The following PTPRD variants were observed in gnomAD, a reference collection of about 807,000 sequenced individuals.
PTPRD encodes the protein receptor-type tyrosine-protein phosphatase delta.
Under a neutral mutation model 214.5 loss-of-function variants are expected in PTPRD, and 34 were observed. The ratio of observed to expected loss-of-function variants is 0.16; its 90% CI spans 0.12 to 0.21. PTPRD has a LOEUF of 0.21. PTPRD is among the 10% of genes least tolerant of loss of function. The pLI is 1.00. For missense variants in PTPRD, 2,545 were observed against 2,398.7 expected, an observed-to-expected ratio of 1.06 and a Z score of -1.27; for synonymous variants, 1,128 against 845.7, an observed-to-expected ratio of 1.33 and a Z score of -5.79.
Position 9,150,571 on chromosome 9 carries a change from T to G in PTPRD, c.-143+32733A>C, listed in dbSNP as rs10977531. On this transcript the variant is annotated intron_variant, in intron 10 of 45. Coordinates refer to ENST00000381196, the MANE Select transcript of PTPRD (RefSeq NM_002839.4). ...ATGGTGTGATTTCAGCTCAGCAAAC[T>G]CCACCTTCTGGGTTCAAGTGATTCT... Among the ~76,000 whole-genome samples the G allele has an allele frequency of 7.9e-3, 1,194 of 151,060 alleles. 34 individuals are homozygous for G. The highest frequency in any genetic ancestry group is 0.06 in the Admixed American group (900 of 15,080).
At chr9:8,934,552 C>T (rs62529115) in intron 11 of PTPRD, among the ~76,000 whole-genome samples, 16,749 of 113,464 alleles carry the variant, frequency 0.15, 1,801 homozygotes, top group South Asian at 0.21. Context: ...CATAAGATGT[C>T]TTGATATACA....
chr9:9,356,009 C>A (rs141892697), intron 9 of PTPRD, among the ~76,000 whole-genome samples: 14 of 151,220 alleles, frequency 9.3e-5, no homozygotes, highest in African/African-American at 3.4e-4. Flanking sequence ...TTGGATTTAG[C>A]AATATTGAGG....
intron 11 of PTPRD, among the ~76,000 whole-genome samples, chr9:8,971,854 A>C (rs1245006823): frequency 6.6e-6 from 1 of 151,752 alleles, no homozygotes; most frequent in Non-Finnish European, 1.5e-5. Context: ...CAGAAGAATA[A>C]GCCATTTCTA....
intron 11 of PTPRD, among the ~76,000 whole-genome samples, chr9:8,896,933 T>G (rs2098619864): frequency 1.3e-5 from 2 of 152,194 alleles, no homozygotes; most frequent in African/African-American, 4.8e-5. Flanking sequence ...GAAAGAGAAC[T>G]GTAGATTAGT....
Position 9,469,061 on chromosome 9 carries a change from G to A in PTPRD, c.-236-71579C>T, listed in dbSNP as rs930583690. ...CTACATTTGTGGTCATAAAGCACTT[G>A]AAATGTTTGGCCCAAATTGGGATAT... On this transcript the variant is annotated intron_variant, in intron 8 of 45. Coordinates refer to ENST00000381196, the MANE Select transcript of PTPRD (RefSeq NM_002839.4). Among the ~76,000 whole-genome samples the A allele has an allele frequency of 3.3e-5, 5 of 152,096 alleles. No homozygotes were observed. The East Asian group carries it at 9.6e-4, about 29-fold the overall frequency.
chr9:9,276,101 C>T (rs1322004165), intron 9 of PTPRD, among the ~76,000 whole-genome samples: 4 of 151,298 alleles, frequency 2.6e-5, no homozygotes, highest in African/African-American at 9.7e-5. Flanking sequence ...TTAACCCCAG[C>T]TAACATTTCA....
chr9:8,868,317 G>A (rs920961276), intron 11 of PTPRD, among the ~76,000 whole-genome samples: 3 of 152,158 alleles, frequency 2.0e-5, no homozygotes, highest in African/African-American at 7.2e-5. Context: ...TCGTGCCTCA[G>A]CCTCCCGAGT....
chr9:9,319,844 T>A (rs939621623), intron 9 of PTPRD, among the ~76,000 whole-genome samples: 3 of 152,164 alleles, frequency 2.0e-5, no homozygotes, highest in African/African-American at 7.2e-5. Context: ...TAATTTACAA[T>A]TTAATTTAGC....
At chr9:10,608,119 A>T (rs576398387) in intron 2 of PTPRD, among the ~76,000 whole-genome samples, 12 of 152,116 alleles carry the variant, frequency 7.9e-5, no homozygotes, top group African/African-American at 2.9e-4. Flanking sequence ...GTCTACATGT[A>T]TGTAAGGAAT....
chr9:10,004,566 A>T (rs192925415), intron 4 of PTPRD, among the ~76,000 whole-genome samples: 1 of 152,096 alleles, frequency 6.6e-6, no homozygotes, highest in African/African-American at 2.4e-5. Flanking sequence ...CATATTATAC[A>T]ATAAATAATT....
At chr9:8,579,811 T>C (rs929634854) in intron 14 of PTPRD, among the ~76,000 whole-genome samples, 11 of 152,122 alleles carry the variant, frequency 7.2e-5, no homozygotes, top group African/African-American at 2.4e-4. Flanking sequence ...TTGGAAGGAA[T>C]GTAGTATGTT....
At chr9:9,933,371 G>C (rs554482771) in intron 5 of PTPRD, among the ~76,000 whole-genome samples, 352 of 151,778 alleles carry the variant, frequency 2.3e-3, no homozygotes, top group African/African-American at 8.0e-3. Context: ...CAAAATAAAA[G>C]GATGGAGGAA....
chr9:8,410,222 T>C (rs1432758405), intron 35 of PTPRD, among the ~76,000 whole-genome samples: 1 of 152,256 alleles, frequency 6.6e-6, no homozygotes, highest in East Asian at 1.9e-4. Flanking sequence ...TAATGAATAC[T>C]TTCTTCAAAG....
At chr9:10,017,779 A>G (rs1217062110) in intron 4 of PTPRD, among the ~76,000 whole-genome samples, 1 of 152,030 alleles carries the variant, frequency 6.6e-6, no homozygotes, top group Non-Finnish European at 1.5e-5. Context: ...TATTTATTTA[A>G]TATTTTGATA....
intron 29 of PTPRD, among the ~76,000 whole-genome samples, chr9:8,484,983 G>C (rs2096967745): frequency 6.6e-6 from 1 of 152,172 alleles, no homozygotes; most frequent in African/African-American, 2.4e-5. Context: ...AAAAGTTCAA[G>C]TTCAAAGTAG....
intron 11 of PTPRD, among the ~76,000 whole-genome samples, chr9:8,780,376 T>G (rs1019895057): frequency 1.1e-4 from 16 of 150,598 alleles, no homozygotes; most frequent in Non-Finnish European, 2.1e-4. Flanking sequence ...CAACCTGCGC[T>G]AGGCACAGCA....
chr9:9,331,561 C>A (rs937565133), intron 9 of PTPRD, among the ~76,000 whole-genome samples: 1 of 151,996 alleles, frequency 6.6e-6, no homozygotes, highest in Non-Finnish European at 1.5e-5. Flanking sequence ...GAGAGTAGAT[C>A]GTTATGGATG....
At chr9:8,608,715 G>A (rs751621949) in intron 14 of PTPRD, among the ~76,000 whole-genome samples, 3 of 152,136 alleles carry the variant, frequency 2.0e-5, no homozygotes, top group Non-Finnish European at 4.4e-5. Context: ...AATGGATGAT[G>A]TAAACAGAAC....
intron 2 of PTPRD, among the ~76,000 whole-genome samples, chr9:10,425,692 T>C (rs965345955): frequency 6.6e-6 from 1 of 151,950 alleles, no homozygotes. Context: ...ACATTTTCCT[T>C]CTCATTACAG....
Sources: gnomAD v4.1 joint callset for allele counts (sites outside exome capture counted in the v4.1 genomes callset) on GRCh38, gnomAD v4.1.1 for gene constraint, MANE v1.5 for transcripts, NCBI Gene and HGNC (gene_info 2026-07-23, HGNC 2026-07-21) for gene names.